Variants in GALNT13 observed in about 807,000 individuals in gnomAD.
GALNT13 encodes polypeptide N-acetylgalactosaminyltransferase 13.
In GALNT13, 28 loss-of-function variants were observed where a neutral mutation model predicts 64.2. The observed-to-expected ratio is 0.44, with a 90% CI of 0.32 to 0.60. The LOEUF (loss-of-function observed/expected upper bound fraction) is 0.60, where lower values mean the gene tolerates loss of function less well. Among genes scored for constraint, GALNT13 ranks in the 20% least tolerant of loss-of-function variants. The pLI is 0.05. For synonymous variants in GALNT13, 214 were observed against 224.6 expected, an observed-to-expected ratio of 0.95 and a Z score of 0.42; for missense variants, 577 against 669.8, an observed-to-expected ratio of 0.86 and a Z score of 1.53.
At chr2:154,112,692 C>T (rs978460809) in intron 3 of GALNT13, among the ~76,000 whole-genome samples, 1 of 152,196 alleles carries the variant, frequency 6.6e-6, no homozygotes, top group East Asian at 1.9e-4. Flanking sequence ...GGGAAGATTT[C>T]CCTTCACCAC....
chr2:153,446,632 CTACTT>C, the GALNT13 span, among the ~76,000 whole-genome samples: 1 of 152,174 alleles, frequency 6.6e-6, no homozygotes, highest in African/African-American at 2.4e-5. Flanking sequence ...ATTTTGAATA[CTACTT>C]TCAAACTCAG....
chr2:153,744,320 C>T, the GALNT13 span, among the ~76,000 whole-genome samples: 4 of 152,096 alleles, frequency 2.6e-5, no homozygotes, highest in Non-Finnish European at 5.9e-5. Context: ...TCCCTTTTCT[C>T]CACTCCTCAC....
chr2:153,900,133 G>A (rs867477907), intron 1 of GALNT13, among the ~76,000 whole-genome samples: 26 of 151,498 alleles, frequency 1.7e-4, no homozygotes, highest in East Asian at 2.0e-4. Flanking sequence ...ACAGGGTTTC[G>A]CCATGTTGGC....
chr2:153,759,192 GT>G, the GALNT13 span, among the ~76,000 whole-genome samples: 43 of 151,854 alleles, frequency 2.8e-4, no homozygotes, highest in Non-Finnish European at 5.2e-4. Context: ...AGTTCTAACA[GT>G]TTTTTTTGGA....
rs907212289 is a variant in GALNT13 at position 154,453,846 on chromosome 2, A to G, written c.*3295A>G. 23 of 152,204 alleles carry G rather than the reference A, an allele frequency of 1.5e-4. No individual in the cohort carries two copies. The highest frequency in any genetic ancestry group is 1.0e-3 in the Admixed American group (16 of 15,270). 9.4% of individuals were successfully genotyped at this position (152,204 alleles called of 1,614,324 possible). A position where few individuals can be genotyped will look rare whatever the true frequency, so the allele number is the denominator to read the frequency against. ...CTAATATATTTAGACAGGATTTCCA[A>G]AAACTTTGTCTTCAAATTTTAATTT... On this transcript the variant is annotated 3_prime_UTR_variant, in exon 13 of 13. Transcript: ENST00000392825.
chr2:154,236,060 G>C, intron 4 of GALNT13: 2 of 1,246,534 alleles, frequency 1.6e-6, no homozygotes, highest in Non-Finnish European at 2.1e-6. Context: ...TAGACCATGA[G>C]AACAGCATTA....
At chr2:153,568,512 A>G in the GALNT13 span, among the ~76,000 whole-genome samples, 4 of 152,212 alleles carry the variant, frequency 2.6e-5, no homozygotes, top group Admixed American at 1.3e-4. Context: ...GTGAAATAGA[A>G]AGTATGTTTT....
At chr2:153,908,849 C>CT in intron 2 of GALNT13, among the ~76,000 whole-genome samples, 1 of 152,014 alleles carries the variant, frequency 6.6e-6, no homozygotes, top group Non-Finnish European at 1.5e-5. Context: ...GTTCTTTTTG[C>CT]TGAGATATCT....
At chr2:153,449,786 A>AGAAG in the GALNT13 span, 1 of 152,120 alleles carries the variant, frequency 6.6e-6, no homozygotes, top group Non-Finnish European at 1.5e-5. Context: ...GGGGAGAAAC[A>AGAAG]GTGTCCTCAC....
the GALNT13 span, among the ~76,000 whole-genome samples, chr2:153,496,993 CAAAA>C: frequency 1.3e-4 from 12 of 90,882 alleles, no homozygotes; most frequent in Non-Finnish European, 1.6e-4. Flanking sequence ...GATTTTGTCT[CAAAA>C]AAAAAAAAAA....
At chr2:154,283,983 A>G (rs193036539) in intron 8 of GALNT13, among the ~76,000 whole-genome samples, 166 of 152,250 alleles carry the variant, frequency 1.1e-3, no homozygotes, top group Admixed American at 4.8e-3. Context: ...TTTTATTTTT[A>G]TGTTTATTTG....
chr2:153,922,697 T>C (rs908155367), intron 2 of GALNT13, among the ~76,000 whole-genome samples: 3 of 152,080 alleles, frequency 2.0e-5, no homozygotes, highest in Non-Finnish European at 4.4e-5. Flanking sequence ...CAGTCCACTA[T>C]CATGTTTCGC....
chr2:153,536,133 C>T, the GALNT13 span, among the ~76,000 whole-genome samples: 5 of 152,284 alleles, frequency 3.3e-5, no homozygotes, highest in Non-Finnish European at 7.4e-5. Flanking sequence ...CTTTTCTCCT[C>T]CTCCTGCTGG....
chr2:153,814,011 A>G, the GALNT13 span, among the ~76,000 whole-genome samples: 1 of 152,284 alleles, frequency 6.6e-6, no homozygotes, highest in Admixed American at 6.5e-5. Flanking sequence ...ATGTGGCTCT[A>G]TCTTCAGCAT....
chr2:153,786,582 G>A, the GALNT13 span, among the ~76,000 whole-genome samples: 5 of 151,866 alleles, frequency 3.3e-5, no homozygotes, highest in Non-Finnish European at 5.9e-5. Flanking sequence ...CCACAATTAT[G>A]ATACTGAGAG....
At chr2:153,416,050 G>C in the GALNT13 span, among the ~76,000 whole-genome samples, 1 of 152,160 alleles carries the variant, frequency 6.6e-6, no homozygotes, top group Non-Finnish European at 1.5e-5. Flanking sequence ...ATTAGGCCCT[G>C]TGTTAGAGTA....
intron 1 of GALNT13, among the ~76,000 whole-genome samples, chr2:153,876,230 CACACAT>C (rs1320405380): frequency 6.6e-6 from 1 of 151,610 alleles, no homozygotes; most frequent in Admixed American, 6.6e-5. Flanking sequence ...CACACACACA[CACACAT>C]ACACACACAG....
At chr2:153,913,465 A>G (rs376904728) in intron 2 of GALNT13, among the ~76,000 whole-genome samples, 2 of 152,156 alleles carry the variant, frequency 1.3e-5, no homozygotes, top group African/African-American at 4.8e-5. Flanking sequence ...AAAGTCTCCT[A>G]TGGAAGCAAG....
intron 4 of GALNT13, among the ~76,000 whole-genome samples, chr2:154,161,590 C>A (rs1418430195): frequency 6.6e-6 from 1 of 152,082 alleles, no homozygotes; most frequent in Admixed American, 6.6e-5. Context: ...TTGGACAGTT[C>A]TATCTCAAGA....
Sources: gnomAD v4.1 joint callset for allele counts (sites outside exome capture counted in the v4.1 genomes callset) on GRCh38, gnomAD v4.1.1 for gene constraint, MANE v1.5 for transcripts, NCBI Gene and HGNC (gene_info 2026-07-23, HGNC 2026-07-21) for gene names.